Variants in WSCD2 observed in about 807,000 individuals in gnomAD.
WSCD2 encodes the protein sialate:O-sulfotransferase 2.
Under a neutral mutation model 55.7 loss-of-function variants are expected in WSCD2, and 28 were observed. The ratio of observed to expected loss-of-function variants is 0.50; its 90% CI spans 0.37 to 0.69. The LOEUF (loss-of-function observed/expected upper bound fraction) is 0.69, where lower values mean the gene tolerates loss of function less well. Ranked by LOEUF, WSCD2 falls within the 30% of genes least tolerant of loss-of-function variation. The pLI, the probability that WSCD2 is intolerant of heterozygous loss-of-function variation, is 0.00. For synonymous variants in WSCD2, 301 were observed against 301.9 expected (o/e 1.00, Z 0.03); for missense variants, 616 against 762.1 (o/e 0.81, Z 2.26).
chr12:108,239,767 T>G (rs1889566441), intron 7 of WSCD2, among the ~76,000 whole-genome samples: 1 of 152,166 alleles, frequency 6.6e-6, no homozygotes, highest in Non-Finnish European at 1.5e-5. Flanking sequence ...CAGGCTGGAC[T>G]GCAGTGGCAT....
intron 1 of WSCD2, among the ~76,000 whole-genome samples, chr12:108,160,821 T>G (rs571726948): frequency 1.7e-4 from 26 of 152,310 alleles, no homozygotes; most frequent in African/African-American, 5.1e-4. Flanking sequence ...AGGAGAGGGG[T>G]GAAATTGTCA....
chr12:108,164,721 G>A (rs1420628484), intron 1 of WSCD2, among the ~76,000 whole-genome samples: 1 of 152,160 alleles, frequency 6.6e-6, no homozygotes, highest in Non-Finnish European at 1.5e-5. Flanking sequence ...AATCTAACTT[G>A]AGGAATGCCT....
At chr12:108,219,966 C>A (rs1298856192) in intron 4 of WSCD2, among the ~76,000 whole-genome samples, 1 of 152,106 alleles carries the variant, frequency 6.6e-6, no homozygotes, top group Non-Finnish European at 1.5e-5. Context: ...TGTCAGGCAA[C>A]CTCAGAGTGA....
At chr12:108,233,619 A>C (rs12229671) in intron 7 of WSCD2, among the ~76,000 whole-genome samples, 23,450 of 152,234 alleles carry the variant, frequency 0.15, 1,888 homozygotes, top group Middle Eastern at 0.18. Flanking sequence ...TGAGGCTTGG[A>C]GAGGAGAAAT....
At chr12:108,204,687 G>A (rs374059751) in intron 2 of WSCD2, among the ~76,000 whole-genome samples, 19 of 152,330 alleles carry the variant, frequency 1.2e-4, no homozygotes, top group African/African-American at 3.8e-4. Flanking sequence ...TTTAAAGATG[G>A]ACTGTTCTTA....
chr12:108,180,070 A>T (rs2136997244), intron 1 of WSCD2, among the ~76,000 whole-genome samples: 1 of 151,030 alleles, frequency 6.6e-6, no homozygotes, highest in African/African-American at 2.4e-5. Context: ...AAAAAAAAGA[A>T]AAAGAAAAGA....
At chr12:108,136,025 G>A (rs1411534908) in intron 1 of WSCD2, among the ~76,000 whole-genome samples, 1 of 152,190 alleles carries the variant, frequency 6.6e-6, no homozygotes, top group Non-Finnish European at 1.5e-5. Context: ...CTGAGCTTTG[G>A]ACTAGGATGA....
At chr12:108,224,902 C>A (rs760392015) in intron 5 of WSCD2, 42 bp downstream of exon 5, 2 of 1,602,838 alleles carry the variant, frequency 1.2e-6, no homozygotes, top group South Asian at 1.1e-5. Flanking sequence ...GGGGAGGGAA[C>A]CATGCAGCAG....
intron 1 of WSCD2, among the ~76,000 whole-genome samples, chr12:108,173,810 C>CTCTCTCTGTGTGTGTGTG (rs376999073): frequency 1.8e-4 from 24 of 131,234 alleles, no homozygotes; most frequent in African/African-American, 7.3e-4. Context: ...TCCTGGCTCT[C>CTCTCTCTGTGTGTGTGTG]TGTGTGTGTG....
At chr12:108,207,371 T>C (rs936210908) in intron 3 of WSCD2, among the ~76,000 whole-genome samples, 1 of 151,822 alleles carries the variant, frequency 6.6e-6, no homozygotes, top group Non-Finnish European at 1.5e-5. Context: ...TCTTTATTTT[T>C]TATTTTTTAT....
rs544453268 is a variant in WSCD2 at position 108,136,318 on chromosome 12, T to G, written c.-552+6392T>G. Among the ~76,000 whole-genome samples, 9 of 27,802 alleles carry G rather than the reference T, an allele frequency of 3.2e-4. No individual in the cohort carries two copies. In the South Asian group the frequency reaches 0.012, roughly 38 times the overall value. The allele number at this position is 27,802 out of a possible 152,430, so 18.2% of individuals were successfully genotyped here. On this transcript the variant is annotated intron_variant, in intron 1 of 8. Coordinates refer to ENST00000547525, the MANE Select transcript of WSCD2 (RefSeq NM_014653.4). ...AATCCCAGCTCTGCGCCAACTGACTTAGTGGCCTTTAGCAAGTCCCATCTA... is the reference window on the plus strand; with the variant it reads ...AATCCCAGCTCTGCGCCAACTGACTGAGTGGCCTTTAGCAAGTCCCATCTA...
intron 7 of WSCD2, among the ~76,000 whole-genome samples, chr12:108,237,113 CA>C (rs1889333377): frequency 6.6e-6 from 1 of 152,226 alleles, no homozygotes; most frequent in Non-Finnish European, 1.5e-5. Context: ...CACCAGCCTT[CA>C]GGGGTGTCCA....
intron 1 of WSCD2, among the ~76,000 whole-genome samples, chr12:108,166,301 C>T (rs1238342057): frequency 6.6e-6 from 1 of 152,170 alleles, no homozygotes; most frequent in Non-Finnish European, 1.5e-5. Flanking sequence ...AATGACTCTG[C>T]TCTTGGTATT....
chr12:108,198,886 GA>G (rs1012479251), intron 2 of WSCD2, among the ~76,000 whole-genome samples: 5 of 152,162 alleles, frequency 3.3e-5, no homozygotes, highest in Non-Finnish European at 7.3e-5. Flanking sequence ...GGTCCAGAAA[GA>G]AATCACTTAC....
At chr12:108,142,258 T>C (rs1191339299) in intron 1 of WSCD2, among the ~76,000 whole-genome samples, 1 of 152,236 alleles carries the variant, frequency 6.6e-6, no homozygotes, top group East Asian at 1.9e-4. Flanking sequence ...TGATTTTTCT[T>C]CTTATGGCAT....
At chr12:108,137,623 C>A (rs1442899362) in intron 1 of WSCD2, among the ~76,000 whole-genome samples, 1 of 152,228 alleles carries the variant, frequency 6.6e-6, no homozygotes, top group Non-Finnish European at 1.5e-5. Flanking sequence ...GTCCAACAAC[C>A]TCATCCCGTA....
chr12:108,231,947 G>A (rs1325592421), intron 6 of WSCD2, among the ~76,000 whole-genome samples: 2 of 152,106 alleles, frequency 1.3e-5, no homozygotes, highest in Middle Eastern at 3.2e-3. Flanking sequence ...AAGGACAGAC[G>A]GATAGACAGT....
At chr12:108,203,633 C>G (rs1196402036) in intron 2 of WSCD2, among the ~76,000 whole-genome samples, 1 of 152,228 alleles carries the variant, frequency 6.6e-6, no homozygotes, top group Admixed American at 6.5e-5. Context: ...CACCCCTTCA[C>G]TCCATGATGG....
intron 1 of WSCD2, among the ~76,000 whole-genome samples, chr12:108,163,551 A>G (rs1338443474): frequency 1.3e-5 from 2 of 152,178 alleles, no homozygotes; most frequent in Non-Finnish European, 2.9e-5. Flanking sequence ...AAATGAGTTA[A>G]GAATCTTGAG....
Sources: gnomAD v4.1 joint callset for allele counts (sites outside exome capture counted in the v4.1 genomes callset) on GRCh38, gnomAD v4.1.1 for gene constraint, MANE v1.5 for transcripts, NCBI Gene and HGNC (gene_info 2026-07-23, HGNC 2026-07-21) for gene names.